The following WEE1 variants were observed in gnomAD, a reference collection of about 807,000 sequenced individuals.
The protein encoded by WEE1 is wee1-like protein kinase.
A neutral mutation model predicts 68.8 loss-of-function variants in WEE1; 16 were observed. That is an observed-to-expected ratio of 0.23 (90% CI 0.16 to 0.35). The LOEUF is 0.35. WEE1 is among the 10% of genes least tolerant of loss of function. WEE1 has a pLI of 1.00. For missense variants in WEE1, 651 were observed against 824.1 expected (o/e 0.79, Z 2.57); for synonymous variants, 349 against 318.7 (o/e 1.09, Z -1.01).
At chr11:9,588,360 C>T in intron 10 of WEE1, 89 bp from the exon 11 acceptor site, 2 of 864,598 alleles carry the variant, frequency 2.3e-6, no homozygotes, top group Non-Finnish European at 3.3e-6. Flanking sequence ...TGATGGCATG[C>T]AAATATCTCC....
chr11:9,575,826 T>A, intron 1 of WEE1, 62 bp from the exon 2 acceptor site: 2 of 1,487,554 alleles, frequency 1.3e-6, no homozygotes, highest in Non-Finnish European at 1.9e-6. Context: ...GAAGGTTAGG[T>A]TGAGAAGGCT....
chr11:9,574,271 C>G lies in WEE1; in HGVS notation c.338C>G (p.Ser113Trp). 1 of 1,230,762 alleles carries G rather than the reference C, an allele frequency of 8.1e-7. No individual in the cohort carries two copies. Among genetic ancestry groups the G allele is most frequent in the South Asian group, 3.5e-5 (1 of 28,712 alleles). 76.2% of individuals were successfully genotyped at this position (1,230,762 alleles called of 1,614,324 possible). A position where few individuals can be genotyped will look rare whatever the true frequency, so the allele number is the denominator to read the frequency against. ...GCGGGCGGTGGGGCGGAGGGCGACT[C>G]GTGGGAGGAGGAGGGCTTCGGCTCC... The part of the protein sequence containing the change: ...DEAGGGAEGD[S>W]WEEEGFGSSS... The change falls in exon 1 of 11, where the codon TCG (serine) becomes TGG (tryptophan). Residue 113 changes from serine (S) to tryptophan (W), a missense_variant. Coordinates refer to ENST00000450114, the MANE Select transcript of WEE1 (RefSeq NM_003390.4). The surrounding 1 kb of genome is among the most constrained non-coding windows in gnomAD (Gnocchi z 4.9).
chr11:9,584,947 C>T (rs1220058614), intron 6 of WEE1, among the ~76,000 whole-genome samples: 1 of 152,142 alleles, frequency 6.6e-6, no homozygotes, highest in African/African-American at 2.4e-5. Flanking sequence ...TGGCATGTGC[C>T]TGTAGTCCCA....
chr11:9,585,491 C>T lies in WEE1; in HGVS notation c.1434C>T (p.Gly478=), dbSNP rs1449981103. ...TRISSPQVEE[G]DSRFLANEVL... Reference sequence around the variant, plus strand: ...TCTCCAGTCCACAAGTTGAAGAGGGCGATAGTCGTTTTCTTGCAAATGAAG... The same window carrying T: ...TCTCCAGTCCACAAGTTGAAGAGGGTGATAGTCGTTTTCTTGCAAATGAAG... Residue 478 remains glycine, a synonymous_variant, in exon 8 of 11, where the codon GGC becomes GGT. Transcript: ENST00000450114. 6.3e-6 allele frequency: 10 copies of T among 1,596,708 alleles called. No individual in the cohort carries two copies. The Admixed American group carries it at 7.3e-5, about 12-fold the overall frequency.
intron 8 of WEE1, 49 bp from the exon 9 acceptor site, chr11:9,586,400 T>A (rs764461885): frequency 2.0e-6 from 3 of 1,536,722 alleles, no homozygotes; most frequent in Non-Finnish European, 2.7e-6. Flanking sequence ...AATCTTGTTT[T>A]ATTTTGACCA....
Position 9,574,207 on chromosome 11 carries a change from G to T in WEE1, c.274G>T (p.Asp92Tyr). Reference sequence around the variant, plus strand: ...CGGCAGCCCCGGCGAGCTGGAGGAGGACCTGTTGCTGCCCGGCGCCTGCCC... The same window carrying T: ...CGGCAGCCCCGGCGAGCTGGAGGAGTACCTGTTGCTGCCCGGCGCCTGCCC... ...APGSPGELEE[D>Y]LLLPGACPGA... Residue 92 changes from aspartate (D) to tyrosine (Y), a missense_variant, in exon 1 of 11, where the codon GAC (aspartate) becomes TAC (tyrosine). Coordinates refer to ENST00000450114, the MANE Select transcript of WEE1 (RefSeq NM_003390.4). The surrounding 1 kb of genome is among the most constrained non-coding windows in gnomAD (Gnocchi z 4.9). 1 of 1,180,600 alleles carries T rather than the reference G, an allele frequency of 8.5e-7. No individual in the cohort carries two copies. The allele number at this position is 1,180,600 out of a possible 1,614,324, so 73.1% of individuals were successfully genotyped here.
rs1445690184 is a variant in WEE1, at chr11:9,576,204, T to G, written c.783-26T>G. ...GCATGGATGTATCTGTCAGATATATTGATAGAAAAATAACATTTTTTTTAG... is the reference window on the plus strand; with the variant it reads ...GCATGGATGTATCTGTCAGATATATGGATAGAAAAATAACATTTTTTTTAG... On this transcript the variant is annotated intron_variant, in intron 2 of 10. Coordinates refer to ENST00000450114, the MANE Select transcript of WEE1 (RefSeq NM_003390.4). This position sits in a 1 kb window ranked among gnomAD's most constrained non-coding sequence, Gnocchi z 4.3. The G allele has an allele frequency of 6.4e-7, 1 of 1,558,658 alleles. No homozygotes were observed. Among genetic ancestry groups the G allele is most frequent in the Admixed American group, 1.9e-5 (1 of 52,804 alleles).
chr11:9,583,064 C>A (rs926215054), intron 6 of WEE1, among the ~76,000 whole-genome samples: 1 of 151,912 alleles, frequency 6.6e-6, no homozygotes, highest in Non-Finnish European at 1.5e-5. Flanking sequence ...GCCTGTAATC[C>A]CAGCACTCTG....
chr11:9,585,474 C>A lies in WEE1; in HGVS notation c.1417C>A (p.Pro473Thr). 2 of 1,603,408 alleles carry A rather than the reference C, an allele frequency of 1.2e-6. No individual in the cohort carries two copies. The highest frequency in any genetic ancestry group is 1.7e-6 in the Non-Finnish European group (2 of 1,177,382). ...DLGHVTRISS[P>T]QVEEGDSRFL... is the part of the protein sequence containing the mutation. ...TGGGCATGTAACAAGGATCTCCAGT[C>A]CACAAGTTGAAGAGGGCGATAGTCG... Residue 473 changes from proline to threonine, a missense_variant, in exon 8 of 11, where the codon CCA becomes ACA. Pro to Thr is a conservative substitution (Grantham distance 38, BLOSUM62 -1). Around this residue, in one of 5 missense-constraint regions of WEE1, gnomAD observed 82 missense variants for 123.2 expected, o/e 0.67. Coordinates refer to ENST00000450114, the MANE Select transcript of WEE1 (RefSeq NM_003390.4).
Position 9,586,789 on chromosome 11 carries a change from A to G in WEE1, c.1720A>G (p.Arg574Gly), listed in dbSNP as rs1849704830. The change falls in exon 10 of 11, where the codon AGA (arginine) becomes GGA (glycine). Residue 574 changes from arginine (R) to glycine (G), a missense_variant. Physicochemically the swap from Arg to Gly is moderately radical, Grantham distance 125 (BLOSUM62 -2). Transcript: ENST00000450114. ...VKHSVLLSAS[R>G]KSAEQLRIEL... ...GCATTCAGTATTGCTGTCCGCTTCT[A>G]GAAAGAGTGCAGAACAATTACGAAT... 5 of 1,614,104 alleles carry G rather than the reference A, an allele frequency of 3.1e-6. No individual in the cohort carries two copies. The highest frequency in any genetic ancestry group is 3.4e-6 in the Non-Finnish European group (4 of 1,180,004).
At chr11:9,581,239 AAAC>A in intron 5 of WEE1, 1 of 265,692 alleles carries the variant, frequency 3.8e-6, no homozygotes. Context: ...AAACAAAAAC[AAAC>A]AAAAAAAAAG....
Position 9,589,508 on chromosome 11 carries a change from A to T in WEE1, c.*906A>T. Reference sequence around the variant, plus strand: ...TTTTCTCTTCAATATTTGTGTATATAAACCGATCTTCGTGATACTGTACAT... The same window carrying T: ...TTTTCTCTTCAATATTTGTGTATATTAACCGATCTTCGTGATACTGTACAT... On this transcript the variant is annotated 3_prime_UTR_variant, in exon 11 of 11. Transcript: ENST00000450114. 3 of 985,508 alleles carry T rather than the reference A, an allele frequency of 3.0e-6. No individual in the cohort carries two copies. Among genetic ancestry groups the T allele is most frequent in the Non-Finnish European group, 2.4e-6 (2 of 829,856 alleles). The allele number at this position is 985,508 out of a possible 1,614,324, so 61.0% of individuals were successfully genotyped here.
At chr11:9,575,791 C>A in intron 1 of WEE1, 97 bp from the exon 2 acceptor site, 1 of 991,468 alleles carries the variant, frequency 1.0e-6, no homozygotes, top group Non-Finnish European at 1.5e-6. Context: ...TTCACCTACG[C>A]ATTCAGCCCT....
chr11:9,574,621 C>G lies in WEE1; in HGVS notation c.576+112C>G. On this transcript the variant is annotated intron_variant, in intron 1 of 10. Transcript: ENST00000450114. The surrounding 1 kb of genome is among the most constrained non-coding windows in gnomAD (Gnocchi z 4.9). ...GGCCGGCCGCTCCCCCCTCGCTTTC[C>G]TGCGCCGCCCCCCAAAGTTGGCAGC... The G allele has an allele frequency of 8.9e-7, 1 of 1,119,406 alleles. No homozygotes were observed. The highest frequency in any genetic ancestry group is 1.1e-6 in the Non-Finnish European group (1 of 917,104). 69.3% of individuals were successfully genotyped at this position (1,119,406 alleles called of 1,614,324 possible). A position where few individuals can be genotyped will look rare whatever the true frequency, so the allele number is the denominator to read the frequency against.
intron 5 of WEE1, chr11:9,578,382 C>G (rs1421913407): frequency 6.4e-6 from 1 of 155,146 alleles, no homozygotes; most frequent in Admixed American, 6.5e-5. Context: ...AACCTGATTC[C>G]TCATTATTTA....
In WEE1 at chr11:9,576,984, A is replaced by G. The variant is rs545084352; in HGVS notation, c.1020-158A>G. On this transcript the variant is annotated intron_variant, in intron 4 of 10. Transcript: ENST00000450114. This position sits in a 1 kb window ranked among gnomAD's most constrained non-coding sequence, Gnocchi z 4.3. ...TTTAATGGAATCTGCCTTTGGAAAA[A>G]TCTCTTACAAGTCTAAACCCCTTCT... Among the ~76,000 whole-genome samples the G allele has an allele frequency of 6.6e-6, 1 of 152,186 alleles. No individual in the cohort carries two copies. The highest frequency in any genetic ancestry group is 2.4e-5 in the African/African-American group (1 of 41,458).
At chr11:9,578,879 T>TTTTTTTTA (rs1554975015) in intron 5 of WEE1, 98 of 142,244 alleles carry the variant, frequency 6.9e-4, no homozygotes, top group East Asian at 3.1e-3. Context: ...GAAAATAAGT[T>TTTTTTTTA]TTTATTTATT....
Position 9,574,749 on chromosome 11 carries a change from C to A in WEE1, c.576+240C>A. On this transcript the variant is annotated intron_variant, in intron 1 of 10. Coordinates refer to ENST00000450114, the MANE Select transcript of WEE1 (RefSeq NM_003390.4). This position sits in a 1 kb window ranked among gnomAD's most constrained non-coding sequence, Gnocchi z 4.9. Reference sequence around the variant, plus strand: ...TTACAAAGGGGCCGATCGGCCCGTCCGGGTGGCCAAGGATTTGCCGCCCGT... The same window carrying A: ...TTACAAAGGGGCCGATCGGCCCGTCAGGGTGGCCAAGGATTTGCCGCCCGT... 9.7e-7 allele frequency: 1 copy of A among 1,029,868 alleles called. No homozygotes were observed. Among genetic ancestry groups the A allele is most frequent in the Non-Finnish European group, 1.2e-6 (1 of 859,530 alleles). The allele number at this position is 1,029,868 out of a possible 1,614,324, so 63.8% of individuals were successfully genotyped here.
chr11:9,587,267 G>A (rs758860219), intron 10 of WEE1, among the ~76,000 whole-genome samples: 1 of 152,148 alleles, frequency 6.6e-6, no homozygotes, highest in Non-Finnish European at 1.5e-5. Context: ...GGCTCCAGTA[G>A]TTCGATATGT....
Sources: allele counts gnomAD v4.1 joint callset (sites outside exome capture counted in the v4.1 genomes callset), GRCh38; gene constraint gnomAD v4.1.1; regional missense constraint gnomAD v4.1.1; non-coding constraint Gnocchi (gnomAD v3.1); transcripts MANE v1.5; gene names NCBI Gene and HGNC (gene_info 2026-07-23, HGNC 2026-07-21).